The following GPR137C variants were observed in gnomAD, a reference collection of about 807,000 sequenced individuals.
GPR137C encodes integral membrane protein GPR137C.
In GPR137C, 27 loss-of-function variants were observed where a neutral mutation model predicts 43.4. The observed-to-expected ratio is 0.62, with a 90% CI of 0.46 to 0.86. The LOEUF (loss-of-function observed/expected upper bound fraction) is 0.86, where lower values mean the gene tolerates loss of function less well. GPR137C is among the 40% of genes least tolerant of loss of function. GPR137C has a pLI of 0.00. For missense variants in GPR137C, 522 were observed against 534.6 expected, an observed-to-expected ratio of 0.98 and a Z score of 0.23; for synonymous variants, 285 against 226.9, an observed-to-expected ratio of 1.26 and a Z score of -2.30.
chr14:52,610,002 A>G (rs553333896), intron 3 of GPR137C, among the ~76,000 whole-genome samples: 4 of 152,288 alleles, frequency 2.6e-5, no homozygotes, highest in African/African-American at 9.6e-5. Flanking sequence ...TTCCAGCCAT[A>G]TAGACTTTGT....
At chr14:52,561,350 A>G (rs899081073) in intron 1 of GPR137C, among the ~76,000 whole-genome samples, 5 of 152,176 alleles carry the variant, frequency 3.3e-5, no homozygotes, top group African/African-American at 1.2e-4. Context: ...GCACAGGCCT[A>G]TGGTCCCAGC....
chr14:52,572,127 C>G (rs1025275912), intron 1 of GPR137C, among the ~76,000 whole-genome samples: 8 of 152,052 alleles, frequency 5.3e-5, no homozygotes, highest in African/African-American at 1.9e-4. Context: ...CCAAGAAAAG[C>G]CCAGGACCAG....
At chr14:52,626,755 G>A (rs548727654) in intron 3 of GPR137C, among the ~76,000 whole-genome samples, 1 of 152,156 alleles carries the variant, frequency 6.6e-6, no homozygotes, top group South Asian at 2.1e-4. Flanking sequence ...TAGAATAAAT[G>A]ACTTTAGCAA....
At chr14:52,563,748 C>T (rs1197335603) in intron 1 of GPR137C, among the ~76,000 whole-genome samples, 1 of 152,122 alleles carries the variant, frequency 6.6e-6, no homozygotes, top group African/African-American at 2.4e-5. Context: ...GAGTCCTTCT[C>T]AATATTCTTT....
intron 3 of GPR137C, among the ~76,000 whole-genome samples, chr14:52,609,567 G>T (rs2039016845): frequency 6.6e-6 from 1 of 152,178 alleles, no homozygotes; most frequent in Non-Finnish European, 1.5e-5. Context: ...GCCTTCCAGG[G>T]ATTCTAAACA....
At chr14:52,557,899 G>A (rs1421203143) in intron 1 of GPR137C, among the ~76,000 whole-genome samples, 1 of 152,072 alleles carries the variant, frequency 6.6e-6, no homozygotes, top group Non-Finnish European at 1.5e-5. Context: ...TTTCTAACTT[G>A]CTTTCCCGTT....
intron 2 of GPR137C, among the ~76,000 whole-genome samples, chr14:52,598,541 A>G (rs2139523223): frequency 6.6e-6 from 1 of 152,328 alleles, no homozygotes; most frequent in African/African-American, 2.4e-5. Context: ...CTTCAGCCAT[A>G]CAGCTGACTA....
chr14:52,559,323 A>G (rs1324907307), intron 1 of GPR137C, among the ~76,000 whole-genome samples: 2 of 152,018 alleles, frequency 1.3e-5, no homozygotes, highest in Admixed American at 6.6e-5. Flanking sequence ...TGGAAGTTGC[A>G]GTGAACCGAG....
intron 1 of GPR137C, among the ~76,000 whole-genome samples, chr14:52,571,800 A>G (rs562943734): frequency 6.6e-5 from 10 of 152,324 alleles, no homozygotes; most frequent in South Asian, 4.1e-4. Flanking sequence ...CAAAAAATCA[A>G]TGATTCCAGG....
At chr14:52,616,105 A>C (rs2139559896) in intron 3 of GPR137C, among the ~76,000 whole-genome samples, 1 of 152,306 alleles carries the variant, frequency 6.6e-6, no homozygotes, top group Admixed American at 6.5e-5. Flanking sequence ...TAATCTTGTA[A>C]TATTATAGCA....
At chr14:52,596,235 G>A (rs147979803) in intron 1 of GPR137C, among the ~76,000 whole-genome samples, 15,893 of 152,060 alleles carry the variant, frequency 0.1, 1,160 homozygotes, top group East Asian at 0.36. Context: ...GGTGTCTGTC[G>A]GCCCCTACTG....
chr14:52,596,584 G>A (rs1352253890), intron 1 of GPR137C, among the ~76,000 whole-genome samples: 4 of 152,224 alleles, frequency 2.6e-5, no homozygotes, highest in African/African-American at 7.2e-5. Context: ...TCAGACTGCT[G>A]CGCTAGCATT....
At chr14:52,596,794 C>T in intron 1 of GPR137C, 1 of 395,298 alleles carries the variant, frequency 2.5e-6, no homozygotes, top group Admixed American at 2.7e-5. Context: ...GAGGCGACAC[C>T]CTGCCCTGCT....
At chr14:52,556,292 A>T (rs2038192037) in intron 1 of GPR137C, among the ~76,000 whole-genome samples, 1 of 152,138 alleles carries the variant, frequency 6.6e-6, no homozygotes, top group Admixed American at 6.5e-5. Context: ...GTGGATCAGT[A>T]TAAAAAGTAA....
rs2038109045 is a variant in GPR137C at position 52,553,174 on chromosome 14, G to A, written c.27G>A (p.Ala9=). 5.1e-6 allele frequency: 6 copies of A among 1,183,064 alleles called. No individual in the cohort carries two copies. Among genetic ancestry groups the A allele is most frequent in the Non-Finnish European group, 6.3e-6 (6 of 958,774 alleles). The allele number at this position is 1,183,064 out of a possible 1,614,324, so 73.3% of individuals were successfully genotyped here. The change falls in exon 1 of 7, where the codon GCG becomes GCA. Residue 9 remains alanine, a synonymous_variant. Coordinates refer to ENST00000321662, the MANE Select transcript of GPR137C (RefSeq NM_001099652.2). MRVSVPGP[A]AAAAPAAGRE... ...TGAGGGTGTCCGTGCCGGGTCCGGC[G>A]GCCGCTGCCGCCCCCGCAGCCGGCC...
intron 3 of GPR137C, among the ~76,000 whole-genome samples, chr14:52,631,708 A>T (rs917893518): frequency 6.6e-6 from 1 of 152,192 alleles, no homozygotes; most frequent in African/African-American, 2.4e-5. Context: ...GCACTCTGTA[A>T]TAGAATCTAA....
intron 1 of GPR137C, among the ~76,000 whole-genome samples, chr14:52,554,940 G>A (rs1271406454): frequency 6.6e-6 from 1 of 151,958 alleles, no homozygotes; most frequent in Non-Finnish European, 1.5e-5. Context: ...ACGCAAACCA[G>A]TAAGCGGAAA....
At chr14:52,595,380 G>T (rs1476785967) in intron 1 of GPR137C, among the ~76,000 whole-genome samples, 1 of 152,040 alleles carries the variant, frequency 6.6e-6, no homozygotes, top group African/African-American at 2.4e-5. Context: ...GCTAGGTTGT[G>T]GAAGTTCTCC....
chr14:52,553,274 G>T lies in GPR137C; in HGVS notation c.127G>T (p.Gly43Cys), dbSNP rs1175707101. The change falls in exon 1 of 7, where the codon GGC (glycine) becomes TGC (cysteine). Residue 43 changes from glycine (G) to cysteine (C), a missense_variant. Around this residue, in one of 3 missense-constraint regions of GPR137C, gnomAD observed 437 missense variants for 425.7 expected, o/e 1.03. Coordinates refer to ENST00000321662, the MANE Select transcript of GPR137C (RefSeq NM_001099652.2). ...TGCAGCCTCAGGCGCCGCGGTGCCGGGCTCCGTGCAGTTGGCGCTGAGCGT... is the reference window on the plus strand; with the variant it reads ...TGCAGCCTCAGGCGCCGCGGTGCCGTGCTCCGTGCAGTTGGCGCTGAGCGT... Reference protein sequence around the residue: ...VAAASGAAVPGSVQLALSVLH... With the variant: ...VAAASGAAVPCSVQLALSVLH... 6.8e-7 allele frequency: 1 copy of T among 1,468,390 alleles called. No individual in the cohort carries two copies. Among genetic ancestry groups the T allele is most frequent in the Non-Finnish European group, 9.0e-7 (1 of 1,108,840 alleles). 91.0% of individuals were successfully genotyped at this position (1,468,390 alleles called of 1,614,324 possible).
Sources: allele counts gnomAD v4.1 joint callset (sites outside exome capture counted in the v4.1 genomes callset), GRCh38; gene constraint gnomAD v4.1.1; regional missense constraint gnomAD v4.1.1; transcripts MANE v1.5; gene names NCBI Gene and HGNC (gene_info 2026-07-23, HGNC 2026-07-21).